ARSG: variants seen among roughly 807,000 people sequenced by gnomAD.
ARSG encodes the protein ASG.
A neutral mutation model predicts 50.5 loss-of-function variants in ARSG; 37 were observed. The observed-to-expected ratio is 0.73, with a 90% CI of 0.56 to 0.96. The LOEUF (loss-of-function observed/expected upper bound fraction) is 0.96, where lower values mean the gene tolerates loss of function less well. Among genes scored for constraint, ARSG ranks in the 50% least tolerant of loss-of-function variants. The probability of loss-of-function intolerance (pLI) is 0.00; values close to 1 mark genes in which losing one functional copy is unlikely to be tolerated. For missense variants in ARSG, 629 were observed against 675.3 expected (o/e 0.93, Z 0.76); for synonymous variants, 225 against 254.6 (o/e 0.88, Z 1.11).
At chr17:68,263,163 T>G (rs1346227309) in intron 1 of ARSG, among the ~76,000 whole-genome samples, 1 of 152,198 alleles carries the variant, frequency 6.6e-6, no homozygotes, top group Non-Finnish European at 1.5e-5. Flanking sequence ...AGTTTTGATT[T>G]GGGTGAGTTG....
intron 2 of ARSG, among the ~76,000 whole-genome samples, chr17:68,336,660 C>T (rs1465853420): frequency 2.0e-5 from 3 of 152,098 alleles, no homozygotes; most frequent in African/African-American, 4.8e-5. Flanking sequence ...TGAGACCAGC[C>T]TTGCCAACAT....
chr17:68,436,318 T>A, the ARSG span: 1 of 1,488,020 alleles, frequency 6.7e-7, no homozygotes, highest in Non-Finnish European at 9.4e-7. Flanking sequence ...TCCTTATCTA[T>A]CTCCTTCCAT....
intron 9 of ARSG, among the ~76,000 whole-genome samples, chr17:68,394,442 AAAAT>A (rs577170024): frequency 6.6e-6 from 1 of 152,048 alleles, no homozygotes; most frequent in Non-Finnish European, 1.5e-5. Context: ...TCTCTACAAA[AAAAT>A]AAATAAATAA....
At chr17:68,434,345 C>T in the ARSG span, among the ~76,000 whole-genome samples, 6 of 152,312 alleles carry the variant, frequency 3.9e-5, no homozygotes, top group South Asian at 4.1e-4. Flanking sequence ...GGGACTCTCA[C>T]GGCTGAACTG....
chr17:68,427,333 A>G (rs1322415988), downstream of ARSG: 1 of 1,078,614 alleles, frequency 9.3e-7, no homozygotes, highest in African/African-American at 1.6e-5. Context: ...GAAAAGCATG[A>G]AGAAGCCTGT....
chr17:68,263,926 C>G (rs1326882135), intron 1 of ARSG, among the ~76,000 whole-genome samples: 2 of 151,922 alleles, frequency 1.3e-5, no homozygotes, highest in African/African-American at 4.8e-5. Flanking sequence ...GGCGTGATCT[C>G]GACTCACTGC....
At chr17:68,353,900 C>T (rs1471555059) in intron 5 of ARSG, among the ~76,000 whole-genome samples, 1 of 151,854 alleles carries the variant, frequency 6.6e-6, no homozygotes, top group Non-Finnish European at 1.5e-5. Context: ...TGGGGTTTCA[C>T]CGTGTTGGCC....
chr17:68,437,005 A>AAATATATATAT, the ARSG span, among the ~76,000 whole-genome samples: 76 of 107,246 alleles, frequency 7.1e-4, 1 homozygote, highest in Middle Eastern at 0.011. Flanking sequence ...AAAAAAAAAA[A>AAATATATATAT]ATATATATAT....
chr17:68,424,703 C>G (rs1312624104), downstream of ARSG, among the ~76,000 whole-genome samples: 1 of 152,164 alleles, frequency 6.6e-6, no homozygotes, highest in Non-Finnish European at 1.5e-5. Context: ...TGGTGAAACC[C>G]CGTCTCTACT....
chr17:68,307,807 A>G, intron 2 of ARSG, 96 bp downstream of exon 2: 1 of 682,736 alleles, frequency 1.5e-6, no homozygotes, highest in Non-Finnish European at 2.6e-6. Flanking sequence ...AGAGTCATTG[A>G]TGGACCCATG....
At chr17:68,374,496 TAGTG>T (rs1421718098) in intron 8 of ARSG, among the ~76,000 whole-genome samples, 2 of 152,078 alleles carry the variant, frequency 1.3e-5, no homozygotes, top group African/African-American at 4.8e-5. Flanking sequence ...AGTTTTGAAA[TAGTG>T]AGTCAGGCTT....
At chr17:68,263,065 G>T (rs1387304297) in intron 1 of ARSG, among the ~76,000 whole-genome samples, 2 of 152,186 alleles carry the variant, frequency 1.3e-5, no homozygotes, top group African/African-American at 2.4e-5. Context: ...GCCACAATCT[G>T]TATTTTCTCA....
At chr17:68,397,442 A>T (rs777011856) in intron 10 of ARSG, among the ~76,000 whole-genome samples, 1 of 152,172 alleles carries the variant, frequency 6.6e-6, no homozygotes, top group Non-Finnish European at 1.5e-5. Context: ...CAGTGAAGAC[A>T]CTTGAGATAA....
chr17:68,312,437 G>A (rs1402063093), intron 2 of ARSG, among the ~76,000 whole-genome samples: 4 of 152,046 alleles, frequency 2.6e-5, no homozygotes, highest in Non-Finnish European at 4.4e-5. Context: ...AGGAACTTCC[G>A]CTTTCAGTGT....
intron 6 of ARSG, among the ~76,000 whole-genome samples, chr17:68,364,607 A>C (rs1227634202): frequency 6.6e-6 from 1 of 152,096 alleles, no homozygotes; most frequent in Non-Finnish European, 1.5e-5. Flanking sequence ...TGATCCACCC[A>C]CCTCGGCCTT....
Position 68,395,207 on chromosome 17 carries a change from G to C in ARSG, c.1212+14G>C, listed in dbSNP as rs1436910167. ...CCTGGGCACAGGGTAAGTGGAGGAG[G>C]TACTTGCCCACATGTAGGCTCTTTA... On this transcript the variant is annotated intron_variant, in intron 10 of 11. Coordinates refer to ENST00000621439, the MANE Select transcript of ARSG (RefSeq NM_001267727.2). 6.2e-7 allele frequency: 1 copy of C among 1,613,450 alleles called. No homozygotes were observed. Among genetic ancestry groups the C allele is most frequent in the South Asian group, 1.1e-5 (1 of 91,054 alleles).
At chr17:68,437,736 T>G in the ARSG span, among the ~76,000 whole-genome samples, 9 of 151,902 alleles carry the variant, frequency 5.9e-5, no homozygotes, top group Middle Eastern at 3.2e-3. Context: ...TCAATAATAT[T>G]CCGGAAGAGT....
intron 1 of ARSG, among the ~76,000 whole-genome samples, chr17:68,269,682 T>TTTTTTTTTTC (rs1555747810): frequency 1.4e-5 from 2 of 145,886 alleles, no homozygotes; most frequent in African/African-American, 5.2e-5. Flanking sequence ...GGTTTTTTTT[T>TTTTTTTTTTC]TTTTTTTTTA....
intron 11 of ARSG, among the ~76,000 whole-genome samples, chr17:68,405,512 G>A (rs184407814): frequency 3.8e-4 from 58 of 152,104 alleles, no homozygotes; most frequent in Non-Finnish European, 7.4e-4. Flanking sequence ...AATATAACTG[G>A]CTTTGTGTTC....
Sources: gnomAD v4.1 joint callset for allele counts (sites outside exome capture counted in the v4.1 genomes callset) on GRCh38, gnomAD v4.1.1 for gene constraint, MANE v1.5 for transcripts, NCBI Gene and HGNC (gene_info 2026-07-23, HGNC 2026-07-21) for gene names.